Variants in UROC1 observed in about 807,000 individuals in gnomAD.
UROC1 encodes urocanate hydratase.
Under a neutral mutation model 89.5 loss-of-function variants are expected in UROC1, and 79 were observed. That is an observed-to-expected ratio of 0.88 (90% confidence interval 0.74 to 1.06). The LOEUF is 1.06. UROC1 is among the 50% of genes least tolerant of loss of function. UROC1 has a pLI of 0.00. For missense variants in UROC1, 885 were observed against 907.8 expected (o/e 0.97, Z 0.32); for synonymous variants, 361 against 354.8 (o/e 1.02, Z -0.20).
At chr3:126,485,109 A>C (rs1935482692) in intron 18 of UROC1, among the ~76,000 whole-genome samples, 1 of 152,244 alleles carries the variant, frequency 6.6e-6, no homozygotes, top group Admixed American at 6.5e-5. Flanking sequence ...ACAACTAACT[A>C]TACCTTTGAG....
chr3:126,482,218 T>A lies in UROC1; in HGVS notation c.*127A>T. 1.4e-6 allele frequency: 2 copies of A among 1,413,918 alleles called. No individual in the cohort carries two copies. The highest frequency in any genetic ancestry group is 1.9e-6 in the Non-Finnish European group (2 of 1,027,572). The allele number at this position is 1,413,918 out of a possible 1,614,324, so 87.6% of individuals were successfully genotyped here. A position where few individuals can be genotyped will look rare whatever the true frequency, so the allele number is the denominator to read the frequency against. On this transcript the variant is annotated 3_prime_UTR_variant, in exon 20 of 20. Coordinates refer to ENST00000290868, the MANE Select transcript of UROC1 (RefSeq NM_144639.3). ...TGGTGGCACCCTGCACAGGGCACCA[T>A]AAGGGCCACGTGAGGATGTGCGAGA... is the stretch of plus-strand genomic sequence containing the variant.
In UROC1 at chr3:126,482,080, C is replaced by A; in HGVS notation, c.*265G>T. On this transcript the variant is annotated 3_prime_UTR_variant, in exon 20 of 20. Coordinates refer to ENST00000290868, the MANE Select transcript of UROC1 (RefSeq NM_144639.3). ...GCAGGGCCCCCGGGCAGGCTTGGGA[C>A]TTGGCCCTAAATGGACTTTGACAGC... 1 of 544,298 alleles carries A rather than the reference C, an allele frequency of 1.8e-6. No homozygotes were observed. Among genetic ancestry groups the A allele is most frequent in the South Asian group, 2.1e-5 (1 of 47,266 alleles). The allele number at this position is 544,298 out of a possible 1,614,324, so 33.7% of individuals were successfully genotyped here.
chr3:126,505,920 A>AGCCAG, intron 7 of UROC1, 25 bp downstream of exon 7: 1 of 1,592,288 alleles, frequency 6.3e-7, no homozygotes, highest in South Asian at 1.1e-5. Context: ...GGAAGCCCAC[A>AGCCAG]GCCAGGCGTG....
rs528066015 is a variant in UROC1 at position 126,504,222 on chromosome 3, C to A, written c.814-139G>T. 6.3e-6 allele frequency: 5 copies of A among 793,892 alleles called. No homozygotes were observed. The East Asian group carries it at 1.3e-4, about 21-fold the overall frequency. 49.2% of individuals were successfully genotyped at this position (793,892 alleles called of 1,614,324 possible). A position where few individuals can be genotyped will look rare whatever the true frequency, so the allele number is the denominator to read the frequency against. On this transcript the variant is annotated intron_variant, in intron 8 of 19. Transcript: ENST00000290868. ...CTATAACACAGTCTCAGGGAAGACA[C>A]CATGAGCTGCCCTCCCTCTATTTAT...
chr3:126,484,269 T>C (rs1935460287), intron 18 of UROC1, among the ~76,000 whole-genome samples: 1 of 152,216 alleles, frequency 6.6e-6, no homozygotes, highest in African/African-American at 2.4e-5. Context: ...GCATGTGCAC[T>C]GGAGCTGTTC....
At chr3:126,486,260 T>C (rs1935513477) in intron 18 of UROC1, among the ~76,000 whole-genome samples, 1 of 152,236 alleles carries the variant, frequency 6.6e-6, no homozygotes, top group Non-Finnish European at 1.5e-5. Context: ...CCCTCTCACA[T>C]GTGAGGCCGC....
At chr3:126,498,028 G>A in intron 14 of UROC1, 23 bp downstream of exon 14, 1 of 1,613,850 alleles carries the variant, frequency 6.2e-7, no homozygotes, top group South Asian at 1.1e-5. Flanking sequence ...CCCACCCATG[G>A]GCATCCCCAC....
rs369953230 is a variant in UROC1, at chr3:126,488,241, C to T, written c.1747G>A (p.Gly583Arg). The change falls in exon 18 of 20, where the codon GGA becomes AGA. Residue 583 changes from glycine to arginine, a missense_variant. By Grantham distance (125) the Gly-to-Arg change is moderately radical. Transcript: ENST00000290868. ...VQNFVGDACRGATWVALHNGG... is the reference protein window; with the variant it reads ...VQNFVGDACRRATWVALHNGG... Reference sequence around the variant, plus strand: ...TTGTGAAGGGCGACCCAGGTGGCTCCGCGACAGGCATCTCCCACGAAGTTC... The same window carrying T: ...TTGTGAAGGGCGACCCAGGTGGCTCTGCGACAGGCATCTCCCACGAAGTTC... 18 of 1,614,116 alleles carry T rather than the reference C, an allele frequency of 1.1e-5. No homozygotes were observed. The highest frequency in any genetic ancestry group is 6.7e-5 in the East Asian group (3 of 44,884).
At chr3:126,501,952 T>G (rs1935933026) in intron 9 of UROC1, 2 of 1,588,016 alleles carry the variant, frequency 1.3e-6, no homozygotes, top group Non-Finnish European at 8.5e-7. Context: ...AAGGACCCTG[T>G]GGGAACCGTG....
chr3:126,508,158 C>T (rs1936113741), intron 4 of UROC1, 63 bp from the exon 5 acceptor site: 8 of 1,611,684 alleles, frequency 5.0e-6, no homozygotes, highest in East Asian at 2.2e-5. Flanking sequence ...CCCAGCCCCA[C>T]ACCACCGTCC....
chr3:126,499,969 G>A (rs569001737), intron 12 of UROC1, 88 bp downstream of exon 12: 82 of 1,305,334 alleles, frequency 6.3e-5, no homozygotes, highest in Non-Finnish European at 7.6e-5. Flanking sequence ...TGGCACCTCC[G>A]AGTGAGGTGG....
chr3:126,497,962 A>C, intron 14 of UROC1, 89 bp downstream of exon 14: 1 of 1,604,112 alleles, frequency 6.2e-7, no homozygotes, highest in Non-Finnish European at 8.5e-7. Context: ...AGAATTAGCT[A>C]GGTGGGCCTG....
Position 126,482,294 on chromosome 3 carries a change from G to C in UROC1, c.*51C>G. On this transcript the variant is annotated 3_prime_UTR_variant, in exon 20 of 20. Transcript: ENST00000290868. ...AAGGGTGTGTGCCATGGCTGGGCAG[G>C]TGAGGATCGCCAGGGAGGAAGGGAG... The C allele has an allele frequency of 6.2e-7, 1 of 1,607,328 alleles. No individual in the cohort carries two copies. Among genetic ancestry groups the C allele is most frequent in the Non-Finnish European group, 8.5e-7 (1 of 1,176,640 alleles).
At chr3:126,492,684 C>T in intron 15 of UROC1, among the ~76,000 whole-genome samples, 168 bp from the exon 16 acceptor site, 1 of 152,194 alleles carries the variant, frequency 6.6e-6, no homozygotes, top group East Asian at 1.9e-4. Context: ...GCTCTCAAAT[C>T]TGTGGCCTGA....
chr3:126,488,302 G>GCT, intron 17 of UROC1, 23 bp from the exon 18 acceptor site: 1 of 1,613,830 alleles, frequency 6.2e-7, no homozygotes, highest in Non-Finnish European at 8.5e-7. Context: ...AGACGCCTCT[G>GCT]CTCATCACCC....
Position 126,499,409 on chromosome 3 carries a change from C to T in UROC1, c.1244G>A (p.Gly415Glu), listed in dbSNP as rs1172740244. Residue 415 changes from glycine to glutamate, a missense_variant and splice_region_variant, in exon 13 of 20, where the codon GGA (glycine) becomes GAA (glutamate). By Grantham distance (98) the Gly-to-Glu change is moderately conservative. Coordinates refer to ENST00000290868, the MANE Select transcript of UROC1 (RefSeq NM_144639.3). The stretch of plus-strand genomic sequence containing the variant: ...AGCACCTTTCTTCTCCACATCCGCT[C>T]CTGTGGGCAGAGCCCGGACAGTCAC... Reference protein sequence around the residue: ...NAFLLEAQRAGADVEKKGAGR... With the variant: ...NAFLLEAQRAEADVEKKGAGR... 1 of 1,611,880 alleles carries T rather than the reference C, an allele frequency of 6.2e-7. No homozygotes were observed. The highest frequency in any genetic ancestry group is 1.1e-5 in the South Asian group (1 of 90,618).
chr3:126,502,061 T>A, intron 9 of UROC1: 1 of 1,114,516 alleles, frequency 9.0e-7, no homozygotes, highest in Non-Finnish European at 1.2e-6. Flanking sequence ...CTGATTTTGA[T>A]GTATGTGTAT....
At position 126,517,662 on chromosome 3, in the gene UROC1, G is replaced by A. The variant is rs753170886; in HGVS notation, c.58C>T (p.Arg20Trp). The A allele has an allele frequency of 2.1e-5, 34 of 1,607,800 alleles. No individual in the cohort carries two copies. The highest frequency in any genetic ancestry group is 1.1e-4 in the East Asian group (5 of 44,660). ...GLPLRPLPEN[R>W]GRQAGVPHAP... ...TGGGGCACCCCAGCCTGGCGTCCCC[G>A]GTTCTCTGGGAGGGGCCGCAGGGGC... The change falls in exon 1 of 20, where the codon CGG (arginine) becomes TGG (tryptophan). Residue 20 changes from arginine to tryptophan, a missense_variant. Coordinates refer to ENST00000290868, the MANE Select transcript of UROC1 (RefSeq NM_144639.3).
Position 126,483,279 on chromosome 3 carries a change from C to T in UROC1, c.1890+90G>A, listed in dbSNP as rs1313491315. The stretch of plus-strand genomic sequence containing the variant: ...GGAATCCGGCCCCCATCCCCACACC[C>T]AGGAGATGCTGTATGACAGCAAACG... On this transcript the variant is annotated intron_variant, in intron 19 of 19. Coordinates refer to ENST00000290868, the MANE Select transcript of UROC1 (RefSeq NM_144639.3). 20 of 1,221,902 alleles carry T rather than the reference C, an allele frequency of 1.6e-5. No individual in the cohort carries two copies. The East Asian group carries it at 3.5e-4, about 22-fold the overall frequency. The allele number at this position is 1,221,902 out of a possible 1,614,324, so 75.7% of individuals were successfully genotyped here. A position where few individuals can be genotyped will look rare whatever the true frequency, so the allele number is the denominator to read the frequency against.
Sources: allele counts gnomAD v4.1 joint callset (sites outside exome capture counted in the v4.1 genomes callset), GRCh38; gene constraint gnomAD v4.1.1; transcripts MANE v1.5; gene names NCBI Gene and HGNC (gene_info 2026-07-23, HGNC 2026-07-21).